The following CCDC57 variants were observed in gnomAD, a reference collection of about 807,000 sequenced individuals.
CCDC57 encodes the protein coiled-coil domain-containing protein 57.
In CCDC57, 118 loss-of-function variants were observed where a neutral mutation model predicts 118.9. The observed-to-expected ratio is 0.99, with a 90% CI of 0.86 to 1.16. The LOEUF is 1.16. CCDC57 is among the 50% of genes most tolerant of loss of function. CCDC57 has a pLI of 0.00. For missense variants in CCDC57, 1,300 were observed against 1,320.7 expected (o/e 0.98, Z 0.24); for synonymous variants, 527 against 532.9 (o/e 0.99, Z 0.15).
chr17:82,173,635 C>T (rs2045066366), intron 11 of CCDC57, among the ~76,000 whole-genome samples: 1 of 152,176 alleles, frequency 6.6e-6, no homozygotes, highest in Non-Finnish European at 1.5e-5. Flanking sequence ...GAACCCTAAG[C>T]AGGATAAACA....
At chr17:82,152,341 A>C (rs1598961093) in intron 15 of CCDC57, 1 of 154,588 alleles carries the variant, frequency 6.5e-6, no homozygotes, top group Non-Finnish European at 1.4e-5. Context: ...CCCCACAACC[A>C]CCCTGCAGGC....
intron 6 of CCDC57, 34 bp downstream of exon 5, chr17:82,193,948 A>G (rs763348933): frequency 2.5e-6 from 4 of 1,593,910 alleles, no homozygotes; most frequent in Non-Finnish European, 3.4e-6. Context: ...AGGCTGCCAC[A>G]GAGCACGCCT....
At chr17:82,119,122 AGGGGTG>A (rs1184606222) in intron 19 of CCDC57, among the ~76,000 whole-genome samples, 19 of 544 alleles carry the variant, frequency 0.035, 1 homozygote, top group Admixed American at 0.056. Context: ...GAGTGGGGGC[AGGGGTG>A]GGGGTGGGGG....
chr17:82,102,710 G>A (rs1598595190), intron 19 of CCDC57, among the ~76,000 whole-genome samples: 1 of 151,908 alleles, frequency 6.6e-6, no homozygotes, highest in African/African-American at 2.4e-5. Context: ...ATGGTGAAAC[G>A]CCGTCTCTAC....
At chr17:82,184,050 C>T (rs1173836414) in intron 8 of CCDC57, 118 bp from the exon 8 acceptor site, 4 of 566,358 alleles carry the variant, frequency 7.1e-6, no homozygotes, top group Admixed American at 3.1e-5. Flanking sequence ...CACACACACA[C>T]ACACACACAC....
intron 16 of CCDC57, chr17:82,145,802 G>T (rs769923774): frequency 3.5e-4 from 162 of 466,456 alleles, no homozygotes; most frequent in Middle Eastern, 2.0e-3. Context: ...CCGGAACCCT[G>T]TAGCAGGCAG....
intron 16 of CCDC57, chr17:82,145,961 C>CA (rs1173854085): frequency 1.9e-4 from 61 of 319,412 alleles, no homozygotes; most frequent in Admixed American, 1.9e-4. Flanking sequence ...TGGGCACCGG[C>CA]AGCATGAGAC....
intron 19 of CCDC57, among the ~76,000 whole-genome samples, chr17:82,120,886 G>C (rs1350404073): frequency 6.6e-6 from 1 of 152,082 alleles, no homozygotes; most frequent in Non-Finnish European, 1.5e-5. Flanking sequence ...CTCCCAAGTA[G>C]CTAGGACTAC....
At chr17:82,117,013 A>G (rs1239028735) in intron 19 of CCDC57, among the ~76,000 whole-genome samples, 1 of 152,198 alleles carries the variant, frequency 6.6e-6, no homozygotes, top group African/African-American at 2.4e-5. Flanking sequence ...TAAACCACAT[A>G]TAAGATGGCC....
exon 11 of CCDC57, chr17:82,178,581 C>T: frequency 6.2e-7 from 1 of 1,613,052 alleles, no homozygotes; most frequent in South Asian, 1.1e-5. Flanking sequence ...AGCGCCTGCT[C>T]TGTCTCCTGC....
chr17:82,163,111 GGTCGCAC>G, intron 14 of CCDC57, 82 bp downstream of exon 13: 1 of 1,512,966 alleles, frequency 6.6e-7, no homozygotes, highest in Non-Finnish European at 9.0e-7. Context: ...GGTCACCTGG[GGTCGCAC>G]CGGGCAGCCG....
chr17:82,157,581 G>A, intron 15 of CCDC57, 167 bp downstream of exon 14: 2 of 1,436,316 alleles, frequency 1.4e-6, no homozygotes, highest in African/African-American at 1.4e-5. Flanking sequence ...GGAGGAATGG[G>A]GAGAGGGGGT....
chr17:82,128,053 G>C (rs1404187979), intron 18 of CCDC57, 145 bp from the exon 18 acceptor site: 1 of 1,244,512 alleles, frequency 8.0e-7, no homozygotes, highest in African/African-American at 1.5e-5. Context: ...GATCACCCAG[G>C]AGAGGCAGCT....
chr17:82,193,781 T>A lies in CCDC57; in HGVS notation c.826A>T (p.Lys276Ter). ...TTCCTCTTAAATGTTTCCTCTTCCT[T>A]CTTCCTGGTTAGCTGCACAGAGTGA... The change falls in exon 7 of 20, where the codon AAG (lysine) becomes TAG (stop). Residue 276 changes from lysine (K) to a stop codon, truncating the protein, a stop_gained. Coordinates refer to ENST00000665763, the Ensembl canonical transcript of CCDC57. LOFTEE classifies it high-confidence loss of function. 5 of 1,601,282 alleles carry A rather than the reference T, an allele frequency of 3.1e-6. No homozygotes were observed. The highest frequency in any genetic ancestry group is 3.4e-6 in the Non-Finnish European group (4 of 1,173,366).
chr17:82,174,325 C>T (rs2045182156), intron 11 of CCDC57, among the ~76,000 whole-genome samples: 1 of 152,258 alleles, frequency 6.6e-6, no homozygotes. Context: ...GAACCTGCAC[C>T]TCAACTGGCA....
intron 19 of CCDC57, chr17:82,127,073 T>G: frequency 1.0e-6 from 1 of 985,414 alleles, no homozygotes; most frequent in Non-Finnish European, 1.2e-6. Context: ...CAGACTTTTC[T>G]GAAAACTTCC....
At chr17:82,128,103 G>C (rs1411557817) in intron 18 of CCDC57, among the ~76,000 whole-genome samples, 195 bp from the exon 18 acceptor site, 1 of 152,098 alleles carries the variant, frequency 6.6e-6, no homozygotes, top group Non-Finnish European at 1.5e-5. Context: ...CTCAGCGCTG[G>C]GAACGCTGAG....
At chr17:82,211,854 C>T (rs1260834479) in intron 1 of CCDC57, among the ~76,000 whole-genome samples, 1 of 152,150 alleles carries the variant, frequency 6.6e-6, no homozygotes. Context: ...CTCCTGGGAA[C>T]GCGCTCGGTT....
At chr17:82,137,876 G>A (rs1447806080) in intron 16 of CCDC57, among the ~76,000 whole-genome samples, 1 of 151,446 alleles carries the variant, frequency 6.6e-6, no homozygotes, top group Non-Finnish European at 1.5e-5. Context: ...GTTTCACCTT[G>A]TTGGCCAGGA....
Sources: allele counts gnomAD v4.1 joint callset (sites outside exome capture counted in the v4.1 genomes callset), GRCh38; gene constraint gnomAD v4.1.1; transcripts MANE v1.5; gene names NCBI Gene and HGNC (gene_info 2026-07-23, HGNC 2026-07-21).